SH3GL3: variants seen among roughly 807,000 people sequenced by gnomAD.
SH3GL3 encodes the protein endophilin-A3.
A neutral mutation model predicts 47.7 loss-of-function variants in SH3GL3; 33 were observed. The ratio of observed to expected loss-of-function variants is 0.69; its 90% CI spans 0.52 to 0.92. SH3GL3 has a LOEUF of 0.92. Among genes scored for constraint, SH3GL3 ranks in the 40% least tolerant of loss-of-function variants. The pLI is 0.00. For missense variants in SH3GL3, 363 were observed against 417.8 expected (o/e 0.87, Z 1.14); for synonymous variants, 155 against 148.8 (o/e 1.04, Z -0.30).
chr15:83,603,320 T>C lies in SH3GL3; in HGVS notation c.838+14549T>C, dbSNP rs143281316. On this transcript the variant is annotated intron_variant, in intron 8 of 8. Coordinates refer to ENST00000427482, the MANE Select transcript of SH3GL3 (RefSeq NM_003027.5). The stretch of plus-strand genomic sequence containing the variant: ...CTTAAAAAACGTAATGAGCTTCTGA[T>C]CTATATACCTCCAGGCAGTTCCATG... Among the ~76,000 whole-genome samples, 31 of 152,320 alleles carry C rather than the reference T, an allele frequency of 2.0e-4. 1 individual carries two copies. Among genetic ancestry groups the C allele is most frequent in the African/African-American group, 6.0e-4 (25 of 41,580 alleles).
the SH3GL3 span, among the ~76,000 whole-genome samples, chr15:83,624,475 G>A: frequency 6.6e-6 from 1 of 152,222 alleles, no homozygotes; most frequent in African/African-American, 2.4e-5. Flanking sequence ...GAAACAACAA[G>A]AGACGAGCTA....
intron 8 of SH3GL3, among the ~76,000 whole-genome samples, chr15:83,609,747 A>C (rs1270925525): frequency 6.6e-6 from 1 of 152,142 alleles, no homozygotes; most frequent in Admixed American, 6.5e-5. Context: ...TGCAACAGAG[A>C]GAAGGATGCC....
chr15:83,607,405 A>C (rs1159572864), intron 8 of SH3GL3, among the ~76,000 whole-genome samples: 2 of 152,226 alleles, frequency 1.3e-5, no homozygotes, highest in Non-Finnish European at 2.9e-5. Flanking sequence ...TGTGGCTGCA[A>C]GTGCAAACTT....
intron 1 of SH3GL3, among the ~76,000 whole-genome samples, chr15:83,503,417 C>T (rs28541958): frequency 1.3e-5 from 2 of 152,168 alleles, no homozygotes; most frequent in Admixed American, 6.5e-5. Flanking sequence ...GGAAAAACTA[C>T]AATTTATTTA....
At chr15:83,525,982 C>T (rs962646817) in intron 1 of SH3GL3, among the ~76,000 whole-genome samples, 9 of 151,992 alleles carry the variant, frequency 5.9e-5, no homozygotes, top group Non-Finnish European at 1.3e-4. Flanking sequence ...TATTTTTGCT[C>T]AGGATTGCAT....
chr15:83,619,895 C>T (rs539955246), downstream of SH3GL3, among the ~76,000 whole-genome samples: 33 of 152,216 alleles, frequency 2.2e-4, no homozygotes, highest in Non-Finnish European at 4.3e-4. Context: ...TAGCATTTTA[C>T]ACACAGAACT....
At chr15:83,562,888 C>T (rs2151749782) in intron 2 of SH3GL3, among the ~76,000 whole-genome samples, 1 of 152,278 alleles carries the variant, frequency 6.6e-6, no homozygotes, top group East Asian at 1.9e-4. Flanking sequence ...CCAAAGAGAG[C>T]TCAAAGTCAC....
At chr15:83,532,164 A>G (rs892930942) in intron 1 of SH3GL3, among the ~76,000 whole-genome samples, 1 of 152,222 alleles carries the variant, frequency 6.6e-6, no homozygotes, top group Non-Finnish European at 1.5e-5. Context: ...AAATAAGTAG[A>G]ATGATGAGTT....
chr15:83,450,700 T>G (rs2039701020), intron 1 of SH3GL3, among the ~76,000 whole-genome samples: 1 of 113,874 alleles, frequency 8.8e-6, no homozygotes, highest in African/African-American at 2.8e-5. Context: ...AGAACCCAAA[T>G]TTTTCTTTTT....
intron 8 of SH3GL3, among the ~76,000 whole-genome samples, chr15:83,601,897 G>T (rs1282347041): frequency 6.8e-6 from 1 of 146,006 alleles, no homozygotes; most frequent in Non-Finnish European, 1.5e-5. Flanking sequence ...TCTGTTCAGG[G>T]TTTCTCTGAA....
intron 1 of SH3GL3, among the ~76,000 whole-genome samples, chr15:83,467,366 C>T (rs1348212987): frequency 1.3e-5 from 2 of 152,294 alleles, no homozygotes; most frequent in Non-Finnish European, 1.5e-5. Flanking sequence ...TCTACTCATG[C>T]CTTGCCTATT....
chr15:83,501,938 A>T, intron 1 of SH3GL3, among the ~76,000 whole-genome samples: 1 of 152,196 alleles, frequency 6.6e-6, no homozygotes, highest in East Asian at 1.9e-4. Flanking sequence ...TTTTAGACAC[A>T]GTTTGCAGGA....
chr15:83,625,792 CTT>C, the SH3GL3 span, among the ~76,000 whole-genome samples: 3 of 151,820 alleles, frequency 2.0e-5, no homozygotes. Context: ...AAATTTTAAA[CTT>C]ATTTCTGTTG....
chr15:83,536,144 T>C (rs1004923014), intron 1 of SH3GL3, among the ~76,000 whole-genome samples: 4 of 152,208 alleles, frequency 2.6e-5, no homozygotes, highest in African/African-American at 4.8e-5. Flanking sequence ...CCTGTACATA[T>C]TGGGAACATT....
At chr15:83,507,714 C>T (rs1411613945) in intron 1 of SH3GL3, among the ~76,000 whole-genome samples, 1 of 152,082 alleles carries the variant, frequency 6.6e-6, no homozygotes, top group Non-Finnish European at 1.5e-5. Context: ...CGCGCCTGGC[C>T]TCATTCATTT....
chr15:83,518,455 A>G lies in SH3GL3; in HGVS notation c.46-40798A>G, dbSNP rs12913997. Among the ~76,000 whole-genome samples the G allele has an allele frequency of 2.6e-3, 394 of 152,200 alleles. 1 individual carries two copies. The highest frequency in any genetic ancestry group is 0.01 in the Middle Eastern group (3 of 294). On this transcript the variant is annotated intron_variant, in intron 1 of 8. Coordinates refer to ENST00000427482, the MANE Select transcript of SH3GL3 (RefSeq NM_003027.5). ...TCTGACTGGTGTGAGATGGTATCTC[A>G]TTGTGGTTTTGATTTGCATTTCTCT...
chr15:83,613,759 G>C (rs968656052), intron 8 of SH3GL3, among the ~76,000 whole-genome samples: 1 of 152,112 alleles, frequency 6.6e-6, no homozygotes, highest in Admixed American at 6.5e-5. Context: ...AGGTGACATG[G>C]AGCAAGGTAG....
At chr15:83,502,663 A>G (rs1451403116) in intron 1 of SH3GL3, among the ~76,000 whole-genome samples, 1 of 152,010 alleles carries the variant, frequency 6.6e-6, no homozygotes, top group East Asian at 1.9e-4. Flanking sequence ...GGCTCAAGGG[A>G]TCCTCCTCCC....
intron 1 of SH3GL3, among the ~76,000 whole-genome samples, chr15:83,549,076 T>G (rs905387151): frequency 6.6e-6 from 1 of 152,224 alleles, no homozygotes; most frequent in Non-Finnish European, 1.5e-5. Context: ...GTTCTTAATT[T>G]TAGTTATTGG....
Sources: allele counts gnomAD v4.1 joint callset (sites outside exome capture counted in the v4.1 genomes callset), GRCh38; gene constraint gnomAD v4.1.1; transcripts MANE v1.5; gene names NCBI Gene and HGNC (gene_info 2026-07-23, HGNC 2026-07-21).